UMPS: variants seen among roughly 807,000 people sequenced by gnomAD.
The protein encoded by UMPS is uridine 5'-monophosphate synthase.
In UMPS, 21 loss-of-function variants were observed where a neutral mutation model predicts 38.9. The ratio of observed to expected loss-of-function variants is 0.54; its 90% CI spans 0.38 to 0.78. UMPS has a LOEUF of 0.78. Among genes scored for constraint, UMPS ranks in the 30% least tolerant of loss-of-function variants. UMPS has a pLI of 0.00. For synonymous variants in UMPS, 208 were observed against 219.3 expected, an observed-to-expected ratio of 0.95 and a Z score of 0.45; for missense variants, 533 against 591.6, an observed-to-expected ratio of 0.90 and a Z score of 1.03.
intron 2 of UMPS, 37 bp from the exon 3 acceptor site, chr3:124,737,531 T>A: frequency 6.2e-7 from 1 of 1,601,316 alleles, no homozygotes; most frequent in Non-Finnish European, 8.6e-7. Context: ...TACATACATA[T>A]TTAAATTTGG....
chr3:124,747,876 C>T lies in UMPS; in HGVS notation c.*3792C>T, dbSNP rs1269065397. ...TACTTTAACACAGTGGACCAAGTGT[C>T]AGTCATTGAAAATGACCATGAGTAA... On this transcript the variant is annotated 3_prime_UTR_variant, in exon 6 of 6. Transcript: ENST00000232607. The T allele has an allele frequency of 4.4e-6, 2 of 453,676 alleles. No homozygotes were observed. The highest frequency in any genetic ancestry group is 2.3e-5 in the Admixed American group (1 of 42,568). 28.1% of individuals were successfully genotyped at this position (453,676 alleles called of 1,614,324 possible). A position where few individuals can be genotyped will look rare whatever the true frequency, so the allele number is the denominator to read the frequency against.
rs2063509176 is a variant in UMPS, at chr3:124,735,199, C to G, written c.263C>G (p.Thr88Ser). 7.4e-6 allele frequency: 12 copies of G among 1,613,798 alleles called. No individual in the cohort carries two copies. The highest frequency in any genetic ancestry group is 1.0e-5 in the Non-Finnish European group (12 of 1,179,820). The change falls in exon 2 of 6, where the codon ACC becomes AGC. Residue 88 changes from threonine (T) to serine (S), a missense_variant. Transcript: ENST00000232607. Reference protein sequence around the residue: ...ALPLATVICSTNQIPMLIRRK... With the variant: ...ALPLATVICSSNQIPMLIRRK... ...CCATTGGCTACAGTTATCTGTTCAA[C>G]CAATCAAATTCCAATGCTTATTAGA... is the stretch of plus-strand genomic sequence containing the variant.
In UMPS at chr3:124,746,755, TTGTGTGTGTGTGTGTGTGTGTGTGTG is replaced by T. The variant is rs58981387; in HGVS notation, c.*2688_*2713del. On this transcript the variant is annotated 3_prime_UTR_variant, in exon 6 of 6. Transcript: ENST00000232607. ...ATTCTGTAGAACATAAGCCCATAGA[TTGTGTGTGTGTGTGTGTGTGTGTGTG>T]TGTGTGTGTGTGTGTGCATGCGCGC... 3.1e-5 allele frequency: 13 copies of T among 420,572 alleles called. No homozygotes were observed. Among genetic ancestry groups the T allele is most frequent in the Non-Finnish European group, 5.7e-5 (12 of 209,042 alleles). The allele number at this position is 420,572 out of a possible 1,614,324, so 26.1% of individuals were successfully genotyped here.
intron 1 of UMPS, 56 bp downstream of exon 1, chr3:124,730,683 A>C: frequency 6.3e-7 from 1 of 1,588,578 alleles, no homozygotes; most frequent in Non-Finnish European, 8.6e-7. Context: ...AGGACAAGGA[A>C]ATGGAAGAGG....
At chr3:124,741,489 A>G (rs2063556660) in intron 4 of UMPS, among the ~76,000 whole-genome samples, 1 of 152,206 alleles carries the variant, frequency 6.6e-6, no homozygotes, top group African/African-American at 2.4e-5. Context: ...AGTTGATGTT[A>G]CAGAAGAGGG....
Position 124,747,155 on chromosome 3 carries a change from G to A in UMPS, c.*3071G>A. ...GTAGCTCTCAAGAGCCTCTCGAGTG[G>A]CTGGAACTACAGGCGTGCACCACCA... is the stretch of plus-strand genomic sequence containing the variant. On this transcript the variant is annotated 3_prime_UTR_variant, in exon 6 of 6. Transcript: ENST00000232607. The A allele has an allele frequency of 2.2e-6, 1 of 454,004 alleles. No homozygotes were observed. The highest frequency in any genetic ancestry group is 1.6e-5 in the South Asian group (1 of 64,458). 28.1% of individuals were successfully genotyped at this position (454,004 alleles called of 1,614,324 possible). A position where few individuals can be genotyped will look rare whatever the true frequency, so the allele number is the denominator to read the frequency against.
At position 124,746,359 on chromosome 3, in the gene UMPS, T is replaced by A; in HGVS notation, c.*2275T>A. 2.2e-6 allele frequency: 1 copy of A among 454,108 alleles called. No homozygotes were observed. The highest frequency in any genetic ancestry group is 1.6e-5 in the South Asian group (1 of 64,474). The allele number at this position is 454,108 out of a possible 1,614,324, so 28.1% of individuals were successfully genotyped here. A position where few individuals can be genotyped will look rare whatever the true frequency, so the allele number is the denominator to read the frequency against. ...GCCCAGCAGCCTGGGCGTGTGCATT[T>A]CTAATGGGTGCCTCAAGTGATCTGT... On this transcript the variant is annotated 3_prime_UTR_variant, in exon 6 of 6. Transcript: ENST00000232607.
intron 5 of UMPS, among the ~76,000 whole-genome samples, chr3:124,743,327 C>G (rs1446856117): frequency 6.8e-6 from 1 of 147,974 alleles, no homozygotes; most frequent in East Asian, 2.0e-4. Context: ...GAGCAAGACT[C>G]TGTCTCAAAA....
rs886278732 is a variant in UMPS at position 124,747,914 on chromosome 3, T to C, written c.*3830T>C. ...TGACCATGAGTAACCCTGTGGACTC[T>C]CTGCAGCTTGGTTCCTTTGCCCCTT... is the stretch of plus-strand genomic sequence containing the variant. On this transcript the variant is annotated 3_prime_UTR_variant, in exon 6 of 6. Transcript: ENST00000232607. The C allele has an allele frequency of 2.2e-6, 1 of 453,786 alleles. No individual in the cohort carries two copies. The highest frequency in any genetic ancestry group is 4.4e-6 in the Non-Finnish European group (1 of 226,628). 28.1% of individuals were successfully genotyped at this position (453,786 alleles called of 1,614,324 possible).
rs768405172 is a variant in UMPS, at chr3:124,749,117, C to T, written c.*5033C>T. The T allele has an allele frequency of 4.4e-6, 2 of 454,084 alleles. No individual in the cohort carries two copies. The highest frequency in any genetic ancestry group is 4.4e-6 in the Non-Finnish European group (1 of 226,784). 28.1% of individuals were successfully genotyped at this position (454,084 alleles called of 1,614,324 possible). On this transcript the variant is annotated 3_prime_UTR_variant, in exon 6 of 6. Transcript: ENST00000232607. ...AGGATCCTGAAATGATTGTATTTAA[C>T]AAGACATGCTGTCCTTGTTTACCTG...
chr3:124,747,153 T>C lies in UMPS; in HGVS notation c.*3069T>C, dbSNP rs530969618. ...AAGTAGCTCTCAAGAGCCTCTCGAG[T>C]GGCTGGAACTACAGGCGTGCACCAC... is the stretch of plus-strand genomic sequence containing the variant. On this transcript the variant is annotated 3_prime_UTR_variant, in exon 6 of 6. Coordinates refer to ENST00000232607, the MANE Select transcript of UMPS (RefSeq NM_000373.4). 2.2e-6 allele frequency: 1 copy of C among 453,910 alleles called. No individual in the cohort carries two copies. The allele number at this position is 453,910 out of a possible 1,614,324, so 28.1% of individuals were successfully genotyped here.
chr3:124,747,320 G>T lies in UMPS; in HGVS notation c.*3236G>T, dbSNP rs1223753921. 4.4e-6 allele frequency: 2 copies of T among 455,178 alleles called. No homozygotes were observed. The highest frequency in any genetic ancestry group is 8.8e-6 in the Non-Finnish European group (2 of 226,840). 28.2% of individuals were successfully genotyped at this position (455,178 alleles called of 1,614,324 possible). On this transcript the variant is annotated 3_prime_UTR_variant, in exon 6 of 6. Coordinates refer to ENST00000232607, the MANE Select transcript of UMPS (RefSeq NM_000373.4). ...GGGTCATCAGACCTGGCTGTCAGGG[G>T]TGCAGCCACAGGAGAGCCAACAGCA...
At chr3:124,743,760 C>T (rs2063574245) in intron 5 of UMPS, among the ~76,000 whole-genome samples, 155 bp from the exon 6 acceptor site, 1 of 152,236 alleles carries the variant, frequency 6.6e-6, no homozygotes, top group African/African-American at 2.4e-5. Context: ...TGAGTCTCTT[C>T]AGCTCCTGTT....
At position 124,748,093 on chromosome 3, in the gene UMPS, TTA is replaced by T; in HGVS notation, c.*4010_*4011del. 1 of 276,466 alleles carries T rather than the reference TTA, an allele frequency of 3.6e-6. No individual in the cohort carries two copies. Among genetic ancestry groups the T allele is most frequent in the Non-Finnish European group, 6.9e-6 (1 of 144,380 alleles). 17.1% of individuals were successfully genotyped at this position (276,466 alleles called of 1,614,324 possible). A position where few individuals can be genotyped will look rare whatever the true frequency, so the allele number is the denominator to read the frequency against. Reference sequence around the variant, plus strand: ...ATATATATTTTAACAGTTATATATATTAGATATAATATATAATAGTATATATA... The same window carrying T: ...ATATATATTTTAACAGTTATATATATGATATAATATATAATAGTATATATA... On this transcript the variant is annotated 3_prime_UTR_variant, in exon 6 of 6. Coordinates refer to ENST00000232607, the MANE Select transcript of UMPS (RefSeq NM_000373.4).
intron 2 of UMPS, among the ~76,000 whole-genome samples, chr3:124,735,955 C>T (rs17843807): frequency 1.3e-5 from 2 of 150,746 alleles, no homozygotes; most frequent in Non-Finnish European, 3.0e-5. Context: ...CCAGCCTGGG[C>T]GACAAAGTGA....
At chr3:124,735,335 A>AC in intron 2 of UMPS, 89 bp downstream of exon 2, 1 of 1,231,776 alleles carries the variant, frequency 8.1e-7, no homozygotes. Context: ...CTAATGTTTT[A>AC]CCAGTCATCT....
In UMPS at chr3:124,746,647, A is replaced by G. The variant is rs1263042485; in HGVS notation, c.*2563A>G. On this transcript the variant is annotated 3_prime_UTR_variant, in exon 6 of 6. Coordinates refer to ENST00000232607, the MANE Select transcript of UMPS (RefSeq NM_000373.4). The stretch of plus-strand genomic sequence containing the variant: ...TCTTAGTGGGGAATATAGGGACCCC[A>G]TGTCTCCATGGGGTGCACAGAATGT... 2 of 453,922 alleles carry G rather than the reference A, an allele frequency of 4.4e-6. No homozygotes were observed. The allele number at this position is 453,922 out of a possible 1,614,324, so 28.1% of individuals were successfully genotyped here. A position where few individuals can be genotyped will look rare whatever the true frequency, so the allele number is the denominator to read the frequency against.
chr3:124,747,043 T>A lies in UMPS; in HGVS notation c.*2959T>A, dbSNP rs1362340598. On this transcript the variant is annotated 3_prime_UTR_variant, in exon 6 of 6. Coordinates refer to ENST00000232607, the MANE Select transcript of UMPS (RefSeq NM_000373.4). ...TTTGTTTGATACAGGGTCTTCACTC[T>A]GTTGCCCAGGCTGGAGTATATCATG... 1 of 453,816 alleles carries A rather than the reference T, an allele frequency of 2.2e-6. No individual in the cohort carries two copies. The highest frequency in any genetic ancestry group is 4.4e-6 in the Non-Finnish European group (1 of 226,706). The allele number at this position is 453,816 out of a possible 1,614,324, so 28.1% of individuals were successfully genotyped here.
chr3:124,736,235 C>T (rs1559904461), intron 2 of UMPS, among the ~76,000 whole-genome samples: 1 of 152,016 alleles, frequency 6.6e-6, no homozygotes, highest in Non-Finnish European at 1.5e-5. Flanking sequence ...TGCACTGCAC[C>T]CTGGGTGACA....
Sources: gnomAD v4.1 joint callset for allele counts (sites outside exome capture counted in the v4.1 genomes callset) on GRCh38, gnomAD v4.1.1 for gene constraint, MANE v1.5 for transcripts, NCBI Gene and HGNC (gene_info 2026-07-23, HGNC 2026-07-21) for gene names.